The following TCHP variants were observed in gnomAD, a reference collection of about 807,000 sequenced individuals.
The protein encoded by TCHP is trichoplein keratin filament binding, also known as trichoplein keratin filament-binding protein.
TCHP carries 81 observed loss-of-function variants against 88.7 expected under a neutral mutation model. That is an observed-to-expected ratio of 0.91 (90% CI 0.76 to 1.10). TCHP has a LOEUF of 1.10. Among genes scored for constraint, TCHP ranks in the 50% least tolerant of loss-of-function variants. TCHP has a pLI of 0.00. For synonymous variants in TCHP, 232 were observed against 232.5 expected (o/e 1.00, Z 0.02); for missense variants, 641 against 632.1 (o/e 1.01, Z -0.15).
chr12:109,915,957 T>TC (rs1447981460), intron 12 of TCHP, among the ~76,000 whole-genome samples: 1 of 152,060 alleles, frequency 6.6e-6, no homozygotes, highest in Non-Finnish European at 1.5e-5. Flanking sequence ...CCTGTGGGTG[T>TC]CCTCTTCCTC....
chr12:109,899,829 G>A (rs990037185), upstream of TCHP, among the ~76,000 whole-genome samples: 4 of 151,760 alleles, frequency 2.6e-5, no homozygotes, highest in Admixed American at 1.3e-4. Flanking sequence ...GACAGTGTCT[G>A]GCTCTGTCAC....
chr12:109,908,547 C>T, intron 6 of TCHP, 39 bp from the exon 7 acceptor site: 1 of 1,500,060 alleles, frequency 6.7e-7, no homozygotes, highest in Non-Finnish European at 9.2e-7. Context: ...TTCCCACGAT[C>T]TCAGATCTCA....
upstream of TCHP, among the ~76,000 whole-genome samples, chr12:109,895,682 A>G (rs1003759300): frequency 1.3e-5 from 2 of 152,144 alleles, no homozygotes; most frequent in South Asian, 4.2e-4. Flanking sequence ...ATACCTTCAC[A>G]ACGGTACCTG....
At chr12:109,906,702 G>T in intron 5 of TCHP, 62 bp downstream of exon 5, 1 of 1,423,902 alleles carries the variant, frequency 7.0e-7, no homozygotes, top group Non-Finnish European at 9.8e-7. Context: ...TCACGTCTTT[G>T]CATTCGTTTA....
chr12:109,908,698 G>GGT lies in TCHP; in HGVS notation c.812+7_812+8dup. ...GCCTTCCGGCAGAAGGCAGAGCTGG[G>GGT]GTGTGTGTCAGAAGGGCCCCCCACT... On this transcript the variant is annotated frameshift_variant and splice_region_variant. Coordinates refer to ENST00000405876, the MANE Select transcript of TCHP (RefSeq NM_001143852.2). LOFTEE classifies it high-confidence loss of function. The GGT allele has an allele frequency of 6.3e-7, 1 of 1,591,858 alleles. No homozygotes were observed. Among genetic ancestry groups the GGT allele is most frequent in the Non-Finnish European group, 8.5e-7 (1 of 1,170,406 alleles).
intron 6 of TCHP, 122 bp from the exon 7 acceptor site, chr12:109,908,464 C>A: frequency 1.3e-6 from 1 of 769,234 alleles, no homozygotes; most frequent in Non-Finnish European, 2.2e-6. Flanking sequence ...GGGATCGTGA[C>A]CACCTGCATG....
At position 109,905,923 on chromosome 12, in the gene TCHP, A is replaced by G. The variant is rs1014904109; in HGVS notation, c.457-649A>G. Among the ~76,000 whole-genome samples, 1 of 152,182 alleles carries G rather than the reference A, an allele frequency of 6.6e-6. No homozygotes were observed. Among genetic ancestry groups the G allele is most frequent in the African/African-American group, 2.4e-5 (1 of 41,442 alleles). ...TCCCTGTGTTGCTCAGGCTGGTCTC[A>G]AACCTGGGCTCAAGTGATCCTCCCA... On this transcript the variant is annotated intron_variant, in intron 4 of 12. Transcript: ENST00000405876. This position sits in a 1 kb window ranked among gnomAD's most constrained non-coding sequence, Gnocchi z 4.0.
intron 6 of TCHP, 138 bp from the exon 7 acceptor site, chr12:109,908,448 T>G: frequency 1.5e-6 from 1 of 678,922 alleles, no homozygotes; most frequent in Non-Finnish European, 2.6e-6. Flanking sequence ...AAGTGAGTGG[T>G]GGGAGGGGAT....
chr12:109,911,118 G>A lies in TCHP; in HGVS notation c.935G>A (p.Arg312His), dbSNP rs759705983. 11 of 1,596,572 alleles carry A rather than the reference G, an allele frequency of 6.9e-6. No homozygotes were observed. Among genetic ancestry groups the A allele is most frequent in the Admixed American group, 5.2e-5 (3 of 57,356 alleles). The part of the protein sequence containing the change: ...ALLEKEDESQ[R>H]LHLARREQVM... ...CTCGAGAAGGAGGACGAGAGCCAGC[G>A]CCTCCACCTGGCCAGGCGGGAGCAG... Residue 312 changes from arginine to histidine, a missense_variant, in exon 9 of 13, where the codon CGC (arginine) becomes CAC (histidine). Physicochemically the swap from Arg to His is conservative, Grantham distance 29. Coordinates refer to ENST00000405876, the MANE Select transcript of TCHP (RefSeq NM_001143852.2).
chr12:109,914,662 C>T, intron 11 of TCHP, 35 bp downstream of exon 11: 1 of 1,564,964 alleles, frequency 6.4e-7, no homozygotes, highest in Non-Finnish European at 8.7e-7. Flanking sequence ...GGCACCGGGC[C>T]TGCCAGGTTC....
Position 109,903,542 on chromosome 12 carries a change from A to C in TCHP, c.188+328A>C, listed in dbSNP as rs1869941099. Among the ~76,000 whole-genome samples the C allele has an allele frequency of 6.6e-6, 1 of 152,150 alleles. No homozygotes were observed. Among genetic ancestry groups the C allele is most frequent in the African/African-American group, 2.4e-5 (1 of 41,426 alleles). ...ATTTGTGCTTAAATATACACACACA[A>C]AGCTACTTTTATAGAAATACGTGTA... On this transcript the variant is annotated intron_variant, in intron 2 of 12. Transcript: ENST00000405876. The surrounding 1 kb of genome is among the most constrained non-coding windows in gnomAD (Gnocchi z 4.6).
At chr12:109,907,753 G>A (rs1870230637) in intron 6 of TCHP, 54 bp downstream of exon 6, 1 of 1,540,192 alleles carries the variant, frequency 6.5e-7, no homozygotes, top group Non-Finnish European at 8.8e-7. Context: ...TCGTTAGCAT[G>A]AGATGGGCAC....
chr12:109,899,575 T>C (rs1049067451), upstream of TCHP, among the ~76,000 whole-genome samples: 1 of 151,990 alleles, frequency 6.6e-6, no homozygotes, highest in African/African-American at 2.4e-5. Flanking sequence ...AAGGCGGAGG[T>C]TGCAGTGAAT....
chr12:109,917,399 G>GT lies in TCHP; in HGVS notation c.*776_*777insT, dbSNP rs1870878513. 1 of 152,212 alleles carries GT rather than the reference G, an allele frequency of 6.6e-6. No individual in the cohort carries two copies. The highest frequency in any genetic ancestry group is 6.5e-5 in the Admixed American group (1 of 15,274). The allele number at this position is 152,212 out of a possible 1,614,324, so 9.4% of individuals were successfully genotyped here. ...AGGCTGCGGCAAGAGGATTGCTTGAGCCCAGGAGTTCGAGTCCAACCTGGG... is the reference window on the plus strand; with the variant it reads ...AGGCTGCGGCAAGAGGATTGCTTGAGTCCCAGGAGTTCGAGTCCAACCTGGG... On this transcript the variant is annotated 3_prime_UTR_variant, in exon 13 of 13. Coordinates refer to ENST00000405876, the MANE Select transcript of TCHP (RefSeq NM_001143852.2).
At chr12:109,916,508 A>C (rs1235259576) in intron 12 of TCHP, 83 bp from the exon 13 acceptor site, 15 of 1,395,520 alleles carry the variant, frequency 1.1e-5, no homozygotes, top group Non-Finnish European at 1.2e-5. Flanking sequence ...TTGTTCTTTT[A>C]GCTTGTAGTT....
At chr12:109,888,863 C>G in the TCHP span, among the ~76,000 whole-genome samples, 1 of 152,040 alleles carries the variant, frequency 6.6e-6, no homozygotes, top group Admixed American at 6.6e-5. Context: ...ATTAGTATCA[C>G]TAGGGCAAAA....
At chr12:109,881,036 A>C in the TCHP span, among the ~76,000 whole-genome samples, 1 of 152,134 alleles carries the variant, frequency 6.6e-6, no homozygotes, top group Non-Finnish European at 1.5e-5. Context: ...GTCACAGTCT[A>C]ACTCAGCCAC....
Position 109,905,032 on chromosome 12 carries a change from A to T in TCHP, c.456+239A>T. 1.9e-6 allele frequency: 1 copy of T among 527,016 alleles called. No homozygotes were observed. Among genetic ancestry groups the T allele is most frequent in the South Asian group, 2.2e-5 (1 of 45,134 alleles). 32.6% of individuals were successfully genotyped at this position (527,016 alleles called of 1,614,324 possible). ...TCTGCCAGGTGCGGGCATGGAGATTAGACATGGTTTCTGCTCATTAGCTTG... is the reference window on the plus strand; with the variant it reads ...TCTGCCAGGTGCGGGCATGGAGATTTGACATGGTTTCTGCTCATTAGCTTG... On this transcript the variant is annotated intron_variant, in intron 4 of 12. Transcript: ENST00000405876. The surrounding 1 kb of genome is among the most constrained non-coding windows in gnomAD (Gnocchi z 4.0).
Position 109,903,094 on chromosome 12 carries a change from A to G in TCHP, c.68A>G (p.Gln23Arg). The G allele has an allele frequency of 6.2e-7, 1 of 1,614,096 alleles. No homozygotes were observed. Residue 23 changes from glutamine (Q) to arginine (R), a missense_variant, in exon 2 of 13, where the codon CAG becomes CGG. Transcript: ENST00000405876. This position sits in a 1 kb window ranked among gnomAD's most constrained non-coding sequence, Gnocchi z 4.6. ...CGCCTGAATCAGCAGCTAGCACGACAGCGAGAGCAGGAGGCCCGGCTTCGG... is the reference window on the plus strand; with the variant it reads ...CGCCTGAATCAGCAGCTAGCACGACGGCGAGAGCAGGAGGCCCGGCTTCGG... Reference protein sequence around the residue: ...QQRLNQQLARQREQEARLRQQ... With the variant: ...QQRLNQQLARRREQEARLRQQ...
Sources: allele counts gnomAD v4.1 joint callset (sites outside exome capture counted in the v4.1 genomes callset), GRCh38; gene constraint gnomAD v4.1.1; non-coding constraint Gnocchi (gnomAD v3.1); transcripts MANE v1.5; gene names NCBI Gene and HGNC (gene_info 2026-07-23, HGNC 2026-07-21).